Variants in GATA5 observed in about 807,000 individuals in gnomAD.
The protein encoded by GATA5 is transcription factor GATA-5.
GATA5 carries 27 observed loss-of-function variants against 35.0 expected under a neutral mutation model. That is an observed-to-expected ratio of 0.77 (90% CI 0.57 to 1.06). The LOEUF (loss-of-function observed/expected upper bound fraction) is 1.06, where lower values mean the gene tolerates loss of function less well. Ranked by LOEUF, GATA5 falls within the 50% of genes least tolerant of loss-of-function variation. The pLI, the probability that GATA5 is intolerant of heterozygous loss-of-function variation, is 0.00. For missense variants in GATA5, 612 were observed against 580.0 expected (o/e 1.06, Z -0.57); for synonymous variants, 306 against 267.8 (o/e 1.14, Z -1.39).
chr20:62,474,973 C>G (rs1271704960), intron 2 of GATA5, 26 bp downstream of exon 2: 9 of 1,283,036 alleles, frequency 7.0e-6, no homozygotes, highest in African/African-American at 1.5e-5. Context: ...TCCTGGGCCC[C>G]GAGACTGTGG....
At position 62,473,560 on chromosome 20, in the gene GATA5, TC is replaced by T; in HGVS notation, c.541del (p.Glu181SerfsTer39). On this transcript the variant is annotated frameshift_variant, in exon 3 of 7. Coordinates refer to ENST00000252997, the MANE Select transcript of GATA5 (RefSeq NM_080473.5). LOFTEE classifies it high-confidence loss of function. ...RPTFVSDFLE[E>X]FPGEGRECVN... ...ACACTCACGACCCTCACCCGGGAAC[TC>T]CTCCAAGAAGTCGGACACTGAGGGG... is the stretch of plus-strand genomic sequence containing the variant. The T allele has an allele frequency of 6.3e-7, 1 of 1,598,608 alleles. No individual in the cohort carries two copies. The highest frequency in any genetic ancestry group is 8.5e-7 in the Non-Finnish European group (1 of 1,173,118).
chr20:62,474,098 T>G (rs1601519908), intron 2 of GATA5, among the ~76,000 whole-genome samples: 1 of 151,220 alleles, frequency 6.6e-6, no homozygotes, highest in Non-Finnish European at 1.5e-5. Flanking sequence ...GTTGGGAGGG[T>G]GGAGGAGGTG....
chr20:62,472,014 G>A (rs1389778281), intron 3 of GATA5, among the ~76,000 whole-genome samples: 2 of 151,600 alleles, frequency 1.3e-5, no homozygotes, highest in Non-Finnish European at 2.9e-5. Context: ...CCAAAATTCT[G>A]GGACTATAGG....
At chr20:62,474,470 A>G (rs1667108722) in intron 2 of GATA5, among the ~76,000 whole-genome samples, 1 of 152,214 alleles carries the variant, frequency 6.6e-6, no homozygotes, top group Admixed American at 6.5e-5. Flanking sequence ...GAGGGACGGG[A>G]TGGGCCCCTG....
At chr20:62,466,331 C>G (rs868917967) in intron 4 of GATA5, 95 bp downstream of exon 4, 2 of 1,379,032 alleles carry the variant, frequency 1.5e-6, no homozygotes, top group South Asian at 1.4e-5. Flanking sequence ...CCATCCTGCC[C>G]GCTCCTCCCC....
chr20:62,472,901 A>T (rs986036022), intron 3 of GATA5, among the ~76,000 whole-genome samples: 1 of 152,040 alleles, frequency 6.6e-6, no homozygotes, highest in East Asian at 1.9e-4. Context: ...CCCCGAGGGG[A>T]CTACAGACCC....
intron 3 of GATA5, among the ~76,000 whole-genome samples, chr20:62,469,637 C>T (rs1555896392): frequency 6.6e-6 from 1 of 152,284 alleles, no homozygotes; most frequent in Non-Finnish European, 1.5e-5. Context: ...ACCCCGCACC[C>T]CTGCGAGTGC....
rs1555897101 is a variant in GATA5 at position 62,475,524 on chromosome 20, T to C, written c.-3A>G. ...GCCAGCGCCAGGCTCTGGTACATCCTCCCAGGCGTGGTCTTGACCTGCAGG... is the reference window on the plus strand; with the variant it reads ...GCCAGCGCCAGGCTCTGGTACATCCCCCCAGGCGTGGTCTTGACCTGCAGG... On this transcript the variant is annotated 5_prime_UTR_variant, in exon 2 of 7. Coordinates refer to ENST00000252997, the MANE Select transcript of GATA5 (RefSeq NM_080473.5). The C allele has an allele frequency of 3.9e-6, 5 of 1,297,812 alleles. No individual in the cohort carries two copies. The highest frequency in any genetic ancestry group is 4.9e-6 in the Non-Finnish European group (5 of 1,024,248). The allele number at this position is 1,297,812 out of a possible 1,614,324, so 80.4% of individuals were successfully genotyped here.
intron 2 of GATA5, among the ~76,000 whole-genome samples, chr20:62,474,500 CT>C (rs1407559472): frequency 1.3e-5 from 2 of 152,240 alleles, no homozygotes; most frequent in East Asian, 3.9e-4. Flanking sequence ...GAGGAGCCGC[CT>C]TCGCCAGAAA....
chr20:62,473,357 G>T (rs1271244467), intron 3 of GATA5, 46 bp downstream of exon 3: 4 of 1,563,462 alleles, frequency 2.6e-6, no homozygotes, highest in African/African-American at 1.4e-5. Context: ...AGGTCCCCTC[G>T]GGGGAGCACT....
chr20:62,473,662 C>G (rs1306416355), intron 2 of GATA5, 84 bp from the exon 3 acceptor site: 7 of 1,362,022 alleles, frequency 5.1e-6, no homozygotes, highest in Non-Finnish European at 7.0e-6. Context: ...CTCCCCTCCC[C>G]AGGAGCCTGG....
At position 62,468,069 on chromosome 20, in the gene GATA5, T is replaced by C. The variant is rs1433347762; in HGVS notation, c.700-1518A>G. On this transcript the variant is annotated intron_variant, in intron 3 of 6. Coordinates refer to ENST00000252997, the MANE Select transcript of GATA5 (RefSeq NM_080473.5). ...ATGAGCAGACACAGCCAGCCTCGGCTTCCCCGTCTGTTACAGCCCGCCTCG... is the reference window on the plus strand; with the variant it reads ...ATGAGCAGACACAGCCAGCCTCGGCCTCCCCGTCTGTTACAGCCCGCCTCG... Among the ~76,000 whole-genome samples the C allele has an allele frequency of 7.0e-5, 10 of 142,908 alleles. 1 individual carries two copies. The highest frequency in any genetic ancestry group is 2.8e-4 in the African/African-American group (10 of 35,674). The allele number at this position is 142,908 out of a possible 152,430, so 93.8% of individuals were successfully genotyped here. A position where few individuals can be genotyped will look rare whatever the true frequency, so the allele number is the denominator to read the frequency against.
intron 5 of GATA5, 115 bp from the exon 6 acceptor site, chr20:62,465,579 G>C (rs1320579014): frequency 1.5e-6 from 2 of 1,370,474 alleles, no homozygotes; most frequent in Non-Finnish European, 2.0e-6. Context: ...GACTCCTCAC[G>C]GTCACACCGC....
intron 4 of GATA5, 95 bp from the exon 5 acceptor site, chr20:62,466,016 C>A (rs1357876737): frequency 2.2e-6 from 2 of 907,622 alleles, no homozygotes; most frequent in East Asian, 2.6e-5. Context: ...CAGAGCCGGT[C>A]ACTCCTGGAG....
chr20:62,466,006 C>A, intron 4 of GATA5, 85 bp from the exon 5 acceptor site: 2 of 964,546 alleles, frequency 2.1e-6, no homozygotes, highest in Admixed American at 2.0e-5. Flanking sequence ...TCCAGCCCCC[C>A]AGAGCCGGTC....
In GATA5 at chr20:62,465,915, G is replaced by T. The variant is rs1200726928; in HGVS notation, c.832C>A (p.Arg278=). The T allele has an allele frequency of 1.9e-6, 3 of 1,588,266 alleles. No individual in the cohort carries two copies. Among genetic ancestry groups the T allele is most frequent in the Non-Finnish European group, 2.6e-6 (3 of 1,167,608 alleles). ...GLYMKLHGVP[R]PLAMKKESIQ... ...CTTTCCTTCTTCATAGCCAGAGGCC[G>T]CGGCACCTGGCAGGGGTGGCGAGGG... The change falls in exon 5 of 7, where the codon CGG becomes AGG. Residue 278 remains arginine, a synonymous_variant. Coordinates refer to ENST00000252997, the MANE Select transcript of GATA5 (RefSeq NM_080473.5).
chr20:62,475,283 G>C lies in GATA5; in HGVS notation c.239C>G (p.Pro80Arg). The C allele has an allele frequency of 1.6e-6, 2 of 1,244,928 alleles. No individual in the cohort carries two copies. The highest frequency in any genetic ancestry group is 2.0e-6 in the Non-Finnish European group (2 of 994,676). 77.1% of individuals were successfully genotyped at this position (1,244,928 alleles called of 1,614,324 possible). Reference sequence around the variant, plus strand: ...GGGCGGGTGCGCGGCTGGGGGGTGCGGACTGCCCGGGCCGAAGGCCGACGA... The same window carrying C: ...GGGCGGGTGCGCGGCTGGGGGGTGCCGACTGCCCGGGCCGAAGGCCGACGA... ...ADSSAFGPGS[P>R]HPPAAHPPGA... Residue 80 changes from proline to arginine, a missense_variant, in exon 2 of 7, where the codon CCG (proline) becomes CGG (arginine). Physicochemically the swap from Pro to Arg is moderately radical, Grantham distance 103 (BLOSUM62 -2). Transcript: ENST00000252997.
chr20:62,468,701 G>A (rs1026566841), intron 3 of GATA5, among the ~76,000 whole-genome samples: 3 of 152,364 alleles, frequency 2.0e-5, no homozygotes, highest in Non-Finnish European at 4.4e-5. Flanking sequence ...GCCTGACTGC[G>A]GAGGACAATG....
At chr20:62,473,373 C>T (rs1555896740) in intron 3 of GATA5, 30 bp downstream of exon 3, 1 of 1,583,928 alleles carries the variant, frequency 6.3e-7, no homozygotes, top group African/African-American at 1.3e-5. Flanking sequence ...GCACTGCGCC[C>T]AGGCGCCCCT....
Sources: gnomAD v4.1 joint callset for allele counts (sites outside exome capture counted in the v4.1 genomes callset) on GRCh38, gnomAD v4.1.1 for gene constraint, MANE v1.5 for transcripts, NCBI Gene and HGNC (gene_info 2026-07-23, HGNC 2026-07-21) for gene names.